Variants in FAM117B observed in about 807,000 individuals in gnomAD.
FAM117B encodes family with sequence similarity 117 member B.
Under a neutral mutation model 52.8 loss-of-function variants are expected in FAM117B, and 22 were observed. The ratio of observed to expected loss-of-function variants is 0.42; its 90% CI spans 0.30 to 0.59. The LOEUF is 0.59. FAM117B is among the 20% of genes least tolerant of loss of function. The pLI, the probability that FAM117B is intolerant of heterozygous loss-of-function variation, is 0.22. For missense variants in FAM117B, 678 were observed against 802.6 expected, an observed-to-expected ratio of 0.84 and a Z score of 1.88; for synonymous variants, 309 against 324.1, an observed-to-expected ratio of 0.95 and a Z score of 0.50.
At chr2:202,754,888 CAA>C (rs149747057) in intron 4 of FAM117B, among the ~76,000 whole-genome samples, 4 of 85,696 alleles carry the variant, frequency 4.7e-5, no homozygotes, top group Non-Finnish European at 4.2e-5. Flanking sequence ...AGATTCGTCT[CAA>C]AAAAAAAAAA....
chr2:202,696,240 C>T (rs973576593), intron 2 of FAM117B, among the ~76,000 whole-genome samples: 1 of 152,150 alleles, frequency 6.6e-6, no homozygotes, highest in Admixed American at 6.5e-5. Flanking sequence ...TTTTAAATAG[C>T]TATCAAAGTA....
Position 202,635,675 on chromosome 2 carries a change from GC to G in FAM117B, c.489del (p.Glu164ArgfsTer2). 7.1e-7 allele frequency: 1 copy of G among 1,399,770 alleles called. No homozygotes were observed. The highest frequency in any genetic ancestry group is 9.3e-7 in the Non-Finnish European group (1 of 1,077,652). The allele number at this position is 1,399,770 out of a possible 1,614,324, so 86.7% of individuals were successfully genotyped here. A position where few individuals can be genotyped will look rare whatever the true frequency, so the allele number is the denominator to read the frequency against. ...TCGTCGCCCACCCACCTGTGGACCGGCGAGGTGAGCGCGGCCCCACCCCCAG... is the reference window on the plus strand; with the variant it reads ...TCGTCGCCCACCCACCTGTGGACCGGGAGGTGAGCGCGGCCCCACCCCCAG... ...PSSSPTHLWT[G>X]EVSAAPPPAR... On this transcript the variant is annotated frameshift_variant, in exon 1 of 8. Coordinates refer to ENST00000392238, the MANE Select transcript of FAM117B (RefSeq NM_173511.4). LOFTEE classifies it high-confidence loss of function.
At chr2:202,764,540 A>C (rs1257118268) in intron 7 of FAM117B, among the ~76,000 whole-genome samples, 8 of 152,086 alleles carry the variant, frequency 5.3e-5, no homozygotes, top group African/African-American at 1.9e-4. Context: ...AAAGTGCTGA[A>C]ATTACAGGTG....
At chr2:202,650,579 A>T (rs1314167023) in intron 1 of FAM117B, among the ~76,000 whole-genome samples, 1 of 152,210 alleles carries the variant, frequency 6.6e-6, no homozygotes, top group South Asian at 2.1e-4. Context: ...AAGTCCCACA[A>T]TAGGCTGTCT....
intron 4 of FAM117B, among the ~76,000 whole-genome samples, chr2:202,727,062 C>CTT (rs149760691): frequency 4.6e-5 from 7 of 151,758 alleles, no homozygotes; most frequent in African/African-American, 1.5e-4. Context: ...CCAAAGAACA[C>CTT]TTTTTTTTAC....
chr2:202,659,604 CTTTTTTTTTTTTTTTT>C (rs71030981), intron 1 of FAM117B, among the ~76,000 whole-genome samples: 6 of 62,312 alleles, frequency 9.6e-5, no homozygotes, highest in South Asian at 1.3e-3. Context: ...AGCCACCGTG[CTTTTTTTTTTTTTTTT>C]TTTTTTTTTT....
At chr2:202,720,118 T>G (rs541903778) in intron 2 of FAM117B, among the ~76,000 whole-genome samples, 1 of 152,282 alleles carries the variant, frequency 6.6e-6, no homozygotes, top group South Asian at 2.1e-4. Flanking sequence ...GGTTTTAGCA[T>G]TTGTTGATGA....
chr2:202,637,057 C>T (rs1035369687), intron 1 of FAM117B, among the ~76,000 whole-genome samples: 135 of 151,874 alleles, frequency 8.9e-4, no homozygotes, highest in African/African-American at 2.8e-3. Context: ...CCACCATGCC[C>T]GGCTAATTTT....
intron 4 of FAM117B, among the ~76,000 whole-genome samples, chr2:202,750,447 A>T (rs1161641344): frequency 6.6e-6 from 1 of 152,092 alleles, no homozygotes; most frequent in Admixed American, 6.6e-5. Context: ...CAGGAGGCAG[A>T]GGTTGTAGTG....
intron 1 of FAM117B, among the ~76,000 whole-genome samples, chr2:202,658,970 T>C (rs1276843932): frequency 6.6e-6 from 1 of 152,132 alleles, no homozygotes; most frequent in Non-Finnish European, 1.5e-5. Context: ...ACATAACTTT[T>C]TGATATTCTC....
chr2:202,752,204 G>T (rs916001520), intron 4 of FAM117B, among the ~76,000 whole-genome samples: 1 of 152,082 alleles, frequency 6.6e-6, no homozygotes, highest in African/African-American at 2.4e-5. Flanking sequence ...TCATGCTTTA[G>T]ACGCCAGGCA....
chr2:202,689,069 C>T (rs1423601357), intron 1 of FAM117B, among the ~76,000 whole-genome samples: 1 of 152,146 alleles, frequency 6.6e-6, no homozygotes, highest in African/African-American at 2.4e-5. Flanking sequence ...TAATTGAATG[C>T]ATAATGGGAC....
At chr2:202,711,736 G>A (rs1173951208) in intron 2 of FAM117B, among the ~76,000 whole-genome samples, 1 of 152,162 alleles carries the variant, frequency 6.6e-6, no homozygotes, top group Non-Finnish European at 1.5e-5. Context: ...GTGAGAGATA[G>A]GGTCTAGTTT....
chr2:202,685,994 A>T (rs1690532865), intron 1 of FAM117B, among the ~76,000 whole-genome samples: 1 of 152,236 alleles, frequency 6.6e-6, no homozygotes, highest in Non-Finnish European at 1.5e-5. Flanking sequence ...AGACAAGCCA[A>T]AAAGAAGACA....
At chr2:202,676,630 A>G (rs139346998) in intron 1 of FAM117B, among the ~76,000 whole-genome samples, 84 of 152,154 alleles carry the variant, frequency 5.5e-4, no homozygotes, top group African/African-American at 2.0e-3. Flanking sequence ...TGCCTGCCTC[A>G]GCCTCCCAAA....
chr2:202,712,419 C>CTTTTTTTTTTTTTTTTTTTT, intron 2 of FAM117B, among the ~76,000 whole-genome samples: 1 of 89,458 alleles, frequency 1.1e-5, no homozygotes, highest in Non-Finnish European at 2.1e-5. Flanking sequence ...TATCAGCTCT[C>CTTTTTTTTTTTTTTTTTTTT]TTTTTTTTTT....
At chr2:202,759,137 C>T in intron 6 of FAM117B, 96 bp from the exon 7 acceptor site, 2 of 1,331,752 alleles carry the variant, frequency 1.5e-6, no homozygotes, top group Non-Finnish European at 2.1e-6. Context: ...AGCACTGTTC[C>T]TGCCCTCAAG....
At chr2:202,762,299 A>G (rs192236795) in intron 7 of FAM117B, among the ~76,000 whole-genome samples, 40 of 152,310 alleles carry the variant, frequency 2.6e-4, no homozygotes, top group Admixed American at 9.8e-4. Flanking sequence ...TTTACCTGAA[A>G]GAAAATAGGT....
intron 2 of FAM117B, among the ~76,000 whole-genome samples, chr2:202,700,900 A>T (rs920920340): frequency 1.3e-5 from 2 of 152,078 alleles, no homozygotes; most frequent in African/African-American, 4.8e-5. Flanking sequence ...GGATCTTGCT[A>T]TGTTGACCAG....
Sources: allele counts gnomAD v4.1 joint callset (sites outside exome capture counted in the v4.1 genomes callset), GRCh38; gene constraint gnomAD v4.1.1; transcripts MANE v1.5; gene names NCBI Gene and HGNC (gene_info 2026-07-23, HGNC 2026-07-21).